Variants in HDAC1 observed in about 807,000 individuals in gnomAD.
HDAC1 encodes the protein protein deacetylase HDAC1.
A neutral mutation model predicts 65.5 loss-of-function variants in HDAC1; 18 were observed. The ratio of observed to expected loss-of-function variants is 0.27; its 90% CI spans 0.19 to 0.41. The LOEUF (loss-of-function observed/expected upper bound fraction) is 0.41. Among genes scored for constraint, HDAC1 ranks in the 10% least tolerant of loss-of-function variants. HDAC1 has a pLI of 1.00. For missense variants in HDAC1, 373 were observed against 625.2 expected, an observed-to-expected ratio of 0.60 and a Z score of 4.30; for synonymous variants, 211 against 227.9, an observed-to-expected ratio of 0.93 and a Z score of 0.67.
At chr1:32,326,899 G>C in intron 4 of HDAC1, 40 bp from the exon 5 acceptor site, 3 of 1,608,444 alleles carry the variant, frequency 1.9e-6, no homozygotes, top group Non-Finnish European at 2.5e-6. Context: ...AGGGGAGAGT[G>C]GCTTAGTAAC....
intron 1 of HDAC1, chr1:32,292,484 G>C (rs1007198735): frequency 1.0e-6 from 1 of 965,894 alleles, no homozygotes; most frequent in Non-Finnish European, 1.2e-6. Flanking sequence ...TGGAGAGTTT[G>C]AGTGGGACTC....
chr1:32,315,992 G>GA (rs892442515), intron 2 of HDAC1, among the ~76,000 whole-genome samples: 9 of 145,170 alleles, frequency 6.2e-5, no homozygotes, highest in East Asian at 2.1e-4. Context: ...AAAAAAAAAC[G>GA]AAAAAAAAGG....
rs182912826 is a variant in HDAC1 at position 32,297,991 on chromosome 1, G to A, written c.50-4630G>A. Reference sequence around the variant, plus strand: ...TTTTTAGTAGAGACGGGGTTTCACCGTGTTAGCCAGGATGGTCTCCATCTC... The same window carrying A: ...TTTTTAGTAGAGACGGGGTTTCACCATGTTAGCCAGGATGGTCTCCATCTC... On this transcript the variant is annotated intron_variant, in intron 1 of 13. Transcript: ENST00000373548. Among the ~76,000 whole-genome samples, 729 of 151,072 alleles carry A rather than the reference G, an allele frequency of 4.8e-3. 3 individuals are homozygous for A. Among genetic ancestry groups the A allele is most frequent in the African/African-American group, 0.017 (685 of 41,156 alleles).
intron 1 of HDAC1, 153 bp downstream of exon 1, chr1:32,292,371 G>T (rs914504972): frequency 2.0e-6 from 2 of 984,998 alleles, no homozygotes; most frequent in African/African-American, 3.5e-5. Flanking sequence ...CGAGGCTGAG[G>T]GAGGAGGCTG....
At chr1:32,323,809 C>T (rs140025719) in intron 3 of HDAC1, among the ~76,000 whole-genome samples, 19 of 152,226 alleles carry the variant, frequency 1.2e-4, no homozygotes, top group East Asian at 9.6e-4. Flanking sequence ...GTTGTACGTG[C>T]GCAGTGAACG....
Position 32,327,421 on chromosome 1 carries a change from C to G in HDAC1, c.495-115C>G, listed in dbSNP as rs1484279392. The G allele has an allele frequency of 3.7e-6, 3 of 815,510 alleles. No homozygotes were observed. In the East Asian group the frequency reaches 7.3e-5, roughly 20 times the overall value. 50.5% of individuals were successfully genotyped at this position (815,510 alleles called of 1,614,324 possible). On this transcript the variant is annotated intron_variant, in intron 5 of 13. Coordinates refer to ENST00000373548, the MANE Select transcript of HDAC1 (RefSeq NM_004964.3). This position sits in a 1 kb window ranked among gnomAD's most constrained non-coding sequence, Gnocchi z 6.0. ...CTTCCTTCAGCCAGTTTCCACGTCT[C>G]TGGTGCTTAGAGATACCTGAGGGAG...
At chr1:32,332,978 G>C in intron 13 of HDAC1, 39 bp from the exon 14 acceptor site, 1 of 1,611,460 alleles carries the variant, frequency 6.2e-7, no homozygotes, top group Non-Finnish European at 8.5e-7. Context: ...TGAGGCTCTG[G>C]GCTGGGTCAT....
intron 2 of HDAC1, 84 bp downstream of exon 2, chr1:32,302,817 A>G (rs1640867669): frequency 2.8e-6 from 2 of 720,788 alleles, no homozygotes; most frequent in Non-Finnish European, 5.2e-6. Flanking sequence ...TTTCTCCACC[A>G]CTCATTCACT....
At chr1:32,307,106 G>A (rs543593365) in intron 2 of HDAC1, among the ~76,000 whole-genome samples, 4 of 152,218 alleles carry the variant, frequency 2.6e-5, no homozygotes, top group East Asian at 1.9e-4. Flanking sequence ...TTAGCCAGAC[G>A]TGGTGGTGCA....
At chr1:32,320,238 ACCCACACACACACAAAAACAT>A (rs1641122020) in intron 3 of HDAC1, among the ~76,000 whole-genome samples, 2 of 151,300 alleles carry the variant, frequency 1.3e-5, no homozygotes, top group South Asian at 4.2e-4. Context: ...AAAAAAAAAA[ACCCACACACACACAAAAACAT>A]CCCACACACC....
intron 1 of HDAC1, among the ~76,000 whole-genome samples, chr1:32,292,724 G>A (rs1209823085): frequency 2.0e-5 from 3 of 152,038 alleles, no homozygotes; most frequent in Admixed American, 1.3e-4. Flanking sequence ...GGAGAAGGAT[G>A]CAACCTGTTA....
Position 32,327,528 on chromosome 1 carries a change from G to A in HDAC1, c.495-8G>A, listed in dbSNP as rs780653401. The A allele has an allele frequency of 6.2e-7, 1 of 1,610,320 alleles. No homozygotes were observed. The highest frequency in any genetic ancestry group is 8.5e-7 in the Non-Finnish European group (1 of 1,177,598). On this transcript the variant is annotated splice_region_variant and splice_polypyrimidine_tract_variant and intron_variant, in intron 5 of 13. Coordinates refer to ENST00000373548, the MANE Select transcript of HDAC1 (RefSeq NM_004964.3). The surrounding 1 kb of genome is among the most constrained non-coding windows in gnomAD (Gnocchi z 6.0). ...GCCCCCAGACCCCTGACCCCCTTCT[G>A]ATCCTAGGTATCACCAGAGGGTGCT...
chr1:32,316,644 T>C (rs143436449), intron 2 of HDAC1, 21 bp from the exon 3 acceptor site: 49,251 of 1,469,370 alleles, frequency 0.034, 1,006 homozygotes, highest in Middle Eastern at 0.046. Context: ...TAACTTGCCC[T>C]TTCTCCCTTC....
chr1:32,318,117 G>T lies in HDAC1; in HGVS notation c.280+1335G>T, dbSNP rs767472901. ...TGGGATTACAGGGATGTGCCACCAC[G>T]CCCGGCTAATTTTGTATTTTTAGGT... On this transcript the variant is annotated intron_variant, in intron 3 of 13. Transcript: ENST00000373548. Among the ~76,000 whole-genome samples, 5 of 152,134 alleles carry T rather than the reference G, an allele frequency of 3.3e-5. No homozygotes were observed. The South Asian group carries it at 1.0e-3, about 31-fold the overall frequency.
At chr1:32,292,265 C>T (rs1389768551) in intron 1 of HDAC1, 47 bp downstream of exon 1, 5 of 1,545,748 alleles carry the variant, frequency 3.2e-6, no homozygotes, top group African/African-American at 1.4e-5. Context: ...CGGGCCGGAC[C>T]GGGAACCTGG....
intron 2 of HDAC1, among the ~76,000 whole-genome samples, chr1:32,315,991 C>T (rs1440898214): frequency 1.5e-5 from 2 of 135,670 alleles, no homozygotes; most frequent in African/African-American, 2.8e-5. Flanking sequence ...CAAAAAAAAA[C>T]GAAAAAAAAG....
rs944777137 is a variant in HDAC1 at position 32,327,851 on chromosome 1, A to G, written c.636+174A>G. On this transcript the variant is annotated intron_variant, in intron 6 of 13. Coordinates refer to ENST00000373548, the MANE Select transcript of HDAC1 (RefSeq NM_004964.3). This position sits in a 1 kb window ranked among gnomAD's most constrained non-coding sequence, Gnocchi z 6.0. The stretch of plus-strand genomic sequence containing the variant: ...TCCCTTCCTTATTCTGGAGGAAGGG[A>G]ATGATGGGACATAAAGGGCCAGAGA... 1.5e-6 allele frequency: 1 copy of G among 660,738 alleles called. No individual in the cohort carries two copies. The highest frequency in any genetic ancestry group is 1.8e-5 in the African/African-American group (1 of 56,036). 40.9% of individuals were successfully genotyped at this position (660,738 alleles called of 1,614,324 possible). A position where few individuals can be genotyped will look rare whatever the true frequency, so the allele number is the denominator to read the frequency against.
chr1:32,316,430 G>C (rs1641065286), intron 2 of HDAC1, among the ~76,000 whole-genome samples: 2 of 152,218 alleles, frequency 1.3e-5, no homozygotes, highest in Non-Finnish European at 2.9e-5. Context: ...ACAGTAACTT[G>C]CCTAAGCAAC....
intron 3 of HDAC1, among the ~76,000 whole-genome samples, chr1:32,319,784 A>C (rs1641114354): frequency 6.6e-6 from 1 of 152,076 alleles, no homozygotes; most frequent in Admixed American, 6.6e-5. Flanking sequence ...ATGGTGGCAC[A>C]TGCCTGTGAT....
Sources: gnomAD v4.1 joint callset for allele counts (sites outside exome capture counted in the v4.1 genomes callset) on GRCh38, gnomAD v4.1.1 for gene constraint, Gnocchi (gnomAD v3.1) non-coding constraint, MANE v1.5 for transcripts, NCBI Gene and HGNC (gene_info 2026-07-23, HGNC 2026-07-21) for gene names.